The following GAS6 variants were observed in gnomAD, a reference collection of about 807,000 sequenced individuals.
The protein encoded by GAS6 is growth arrest specific 6, also known as growth arrest-specific protein 6.
A neutral mutation model predicts 75.8 loss-of-function variants in GAS6; 41 were observed. The ratio of observed to expected loss-of-function variants is 0.54; its 90% confidence interval spans 0.42 to 0.70. The LOEUF (loss-of-function observed/expected upper bound fraction) is 0.70. GAS6 is among the 30% of genes least tolerant of loss of function. The probability of loss-of-function intolerance (pLI) is 0.00; values close to 1 mark genes in which losing one functional copy is unlikely to be tolerated. For synonymous variants in GAS6, 432 were observed against 412.6 expected, an observed-to-expected ratio of 1.05 and a Z score of -0.57; for missense variants, 854 against 940.2, an observed-to-expected ratio of 0.91 and a Z score of 1.20.
At chr13:113,835,462 G>A in intron 7 of GAS6, 51 bp downstream of exon 7, 1 of 1,598,758 alleles carries the variant, frequency 6.3e-7, no homozygotes, top group Non-Finnish European at 8.5e-7. Flanking sequence ...TGGCACCCGT[G>A]TCTAGACTTG....
At chr13:113,829,469 G>A (rs894628732) in intron 10 of GAS6, among the ~76,000 whole-genome samples, 10 of 146,650 alleles carry the variant, frequency 6.8e-5, no homozygotes, top group Non-Finnish European at 1.5e-4. Context: ...ATCTCAGGGA[G>A]ACCACATGAT....
chr13:113,830,327 G>A (rs1459593538), intron 10 of GAS6, among the ~76,000 whole-genome samples: 6 of 152,072 alleles, frequency 3.9e-5, no homozygotes, highest in Admixed American at 3.9e-4. Flanking sequence ...TGCGGCCGCT[G>A]TGAGTCACTG....
At chr13:113,859,532 A>C (rs1037796164) in intron 2 of GAS6, among the ~76,000 whole-genome samples, 26 of 150,480 alleles carry the variant, frequency 1.7e-4, no homozygotes, top group Non-Finnish European at 3.4e-4. Flanking sequence ...ATGTGTGTGC[A>C]TGTCTGTCAG....
chr13:113,820,706 G>GC lies in GAS6; in HGVS notation c.*157dup. ...CACGGCTGAGTGCGCGGCGTCAGAGGCCCCAAGTCCATCTCACTATTTACA... is the reference window on the plus strand; with the variant it reads ...CACGGCTGAGTGCGCGGCGTCAGAGGCCCCCAAGTCCATCTCACTATTTACA... On this transcript the variant is annotated 3_prime_UTR_variant, in exon 15 of 15. Coordinates refer to ENST00000327773, the MANE Select transcript of GAS6 (RefSeq NM_000820.4). 1.1e-6 allele frequency: 1 copy of GC among 875,800 alleles called. No homozygotes were observed. The highest frequency in any genetic ancestry group is 1.7e-6 in the Non-Finnish European group (1 of 591,932). The allele number at this position is 875,800 out of a possible 1,614,324, so 54.3% of individuals were successfully genotyped here. A position where few individuals can be genotyped will look rare whatever the true frequency, so the allele number is the denominator to read the frequency against.
At chr13:113,835,712 T>C in intron 6 of GAS6, 77 bp from the exon 7 acceptor site, 1 of 1,558,528 alleles carries the variant, frequency 6.4e-7, no homozygotes, top group Non-Finnish European at 8.7e-7. Context: ...CTGCAGGGAC[T>C]GGCCAGGGCA....
rs1481445452 is a variant in GAS6, at chr13:113,845,604, ATT to A, written c.343+921_343+922del. The A allele has an allele frequency of 1.4e-5, 2 of 141,790 alleles. No individual in the cohort carries two copies. 8.8% of individuals were successfully genotyped at this position (141,790 alleles called of 1,614,324 possible). On this transcript the variant is annotated intron_variant, in intron 4 of 14. Transcript: ENST00000327773. This position sits in a 1 kb window ranked among gnomAD's most constrained non-coding sequence, Gnocchi z 4.3. The stretch of plus-strand genomic sequence containing the variant: ...AAAAGACTTGTGGCAAGCTGAAAAA[ATT>A]TTTGATAACTTTACTACCAATGGCT...
chr13:113,835,641 A>G lies in GAS6; in HGVS notation c.590-6T>C. The G allele has an allele frequency of 5.0e-6, 8 of 1,609,744 alleles. No homozygotes were observed. Among genetic ancestry groups the G allele is most frequent in the Non-Finnish European group, 6.8e-6 (8 of 1,178,762 alleles). On this transcript the variant is annotated splice_polypyrimidine_tract_variant and splice_region_variant and intron_variant, in intron 6 of 14. Coordinates refer to ENST00000327773, the MANE Select transcript of GAS6 (RefSeq NM_000820.4). ...GTCTGCGCACTCGTCTATGTCTGCAAGCAAAAAAAAACCGGCCAACCGCAG... is the reference window on the plus strand; with the variant it reads ...GTCTGCGCACTCGTCTATGTCTGCAGGCAAAAAAAAACCGGCCAACCGCAG...
rs763621452 is a variant in GAS6 at position 113,827,157 on chromosome 13, G to C, written c.1316C>G (p.Pro439Arg). ...GCTCCTCATGCAGCCATCCAGACGA[G>C]GGTTTATCTGGAAAGGCAGAGAAAT... Reference protein sequence around the residue: ...HEKDLVQPINPRLDGCMRSWN... With the variant: ...HEKDLVQPINRRLDGCMRSWN... The change falls in exon 12 of 15, where the codon CCT (proline) becomes CGT (arginine). Residue 439 changes from proline to arginine, a missense_variant. Pro to Arg is a moderately radical substitution (Grantham distance 103, BLOSUM62 -2). Coordinates refer to ENST00000327773, the MANE Select transcript of GAS6 (RefSeq NM_000820.4). 6.2e-7 allele frequency: 1 copy of C among 1,611,394 alleles called. No homozygotes were observed. Among genetic ancestry groups the C allele is most frequent in the South Asian group, 1.1e-5 (1 of 90,930 alleles).
intron 2 of GAS6, among the ~76,000 whole-genome samples, chr13:113,851,463 G>C (rs1016890519): frequency 6.6e-6 from 1 of 151,580 alleles, no homozygotes; most frequent in African/African-American, 2.4e-5. Context: ...GGGTGAATGA[G>C]AGTGAGTAGA....
At chr13:113,854,648 C>A (rs1033946995) in intron 2 of GAS6, among the ~76,000 whole-genome samples, 1 of 152,272 alleles carries the variant, frequency 6.6e-6, no homozygotes, top group Non-Finnish European at 1.5e-5. Flanking sequence ...AGGCTCTCAT[C>A]GAGGAAGGCC....
intron 14 of GAS6, 104 bp downstream of exon 14, chr13:113,821,854 A>T: frequency 4.5e-6 from 4 of 890,644 alleles, no homozygotes; most frequent in Non-Finnish European, 4.9e-6. Flanking sequence ...CCTCTTCCGC[A>T]TTCACTACCA....
intron 2 of GAS6, among the ~76,000 whole-genome samples, chr13:113,862,196 G>T (rs929779094): frequency 5.9e-5 from 9 of 152,260 alleles, no homozygotes; most frequent in African/African-American, 2.2e-4. Context: ...GGGCCCTGCA[G>T]GTCCTGGAGG....
At chr13:113,822,515 G>T in intron 13 of GAS6, 1 of 246,902 alleles carries the variant, frequency 4.1e-6, no homozygotes, top group Non-Finnish European at 7.8e-6. Flanking sequence ...CCAGGAACTG[G>T]GGTGGCCCTG....
Position 113,834,727 on chromosome 13 carries a change from C to CGT in GAS6, c.713-57_713-56dup, listed in dbSNP as rs2051679841. 4 of 1,380,070 alleles carry CGT rather than the reference C, an allele frequency of 2.9e-6. No homozygotes were observed. The East Asian group carries it at 7.9e-5, about 27-fold the overall frequency. 85.5% of individuals were successfully genotyped at this position (1,380,070 alleles called of 1,614,324 possible). A position where few individuals can be genotyped will look rare whatever the true frequency, so the allele number is the denominator to read the frequency against. ...CGGGGAGGCCTCTACGCTGTCCCGC[C>CGT]GTGGGATCACACCGCGATTGCTCAA... On this transcript the variant is annotated intron_variant, in intron 7 of 14. Coordinates refer to ENST00000327773, the MANE Select transcript of GAS6 (RefSeq NM_000820.4).
chr13:113,834,671 A>T lies in GAS6; in HGVS notation c.714T>A (p.Asp238Glu). ...AGCGGCCCTGCAGACACTCGTCCAC[A>T]TCTGCCAGCCAGAGGGAAGCGGCGG... ...AYSSQEKACR[D>E]VDECLQGRCE... Residue 238 changes from aspartate to glutamate, a missense_variant and splice_region_variant, in exon 8 of 15, where the codon GAT (aspartate) becomes GAA (glutamate). Asp to Glu is a conservative substitution (Grantham distance 45). Coordinates refer to ENST00000327773, the MANE Select transcript of GAS6 (RefSeq NM_000820.4). The T allele has an allele frequency of 1.2e-5, 18 of 1,563,294 alleles. No homozygotes were observed. Among genetic ancestry groups the T allele is most frequent in the Non-Finnish European group, 1.5e-5 (17 of 1,152,078 alleles).
intron 2 of GAS6, among the ~76,000 whole-genome samples, chr13:113,851,764 T>C (rs542834951): frequency 1.3e-5 from 2 of 152,374 alleles, no homozygotes; most frequent in South Asian, 2.1e-4. Context: ...ACTTAAATCA[T>C]AGATAAGTAC....
At chr13:113,849,421 T>C (rs931275912) in intron 2 of GAS6, among the ~76,000 whole-genome samples, 1 of 152,146 alleles carries the variant, frequency 6.6e-6, no homozygotes, top group Non-Finnish European at 1.5e-5. Flanking sequence ...CAACACGAAG[T>C]GGCACCAGGT....
chr13:113,837,997 G>A lies in GAS6; in HGVS notation c.589+72C>T, dbSNP rs1456199305. The A allele has an allele frequency of 4.4e-6, 7 of 1,575,278 alleles. No homozygotes were observed. In the African/African-American group the frequency reaches 6.7e-5, roughly 15 times the overall value. On this transcript the variant is annotated intron_variant, in intron 6 of 14. Coordinates refer to ENST00000327773, the MANE Select transcript of GAS6 (RefSeq NM_000820.4). The surrounding 1 kb of genome is among the most constrained non-coding windows in gnomAD (Gnocchi z 5.1). ...ACCCAGCCAGCAGCAGCCGCTTGCA[G>A]AAGAGCAGACATGACCGAAAATAGA...
intron 5 of GAS6, 37 bp from the exon 6 acceptor site, chr13:113,838,228 G>T: frequency 6.2e-7 from 1 of 1,609,902 alleles, no homozygotes; most frequent in African/African-American, 1.3e-5. Flanking sequence ...GAGCCCAAGG[G>T]TGCACAGCCC....
Sources: allele counts gnomAD v4.1 joint callset (sites outside exome capture counted in the v4.1 genomes callset), GRCh38; gene constraint gnomAD v4.1.1; non-coding constraint Gnocchi (gnomAD v3.1); transcripts MANE v1.5; gene names NCBI Gene and HGNC (gene_info 2026-07-23, HGNC 2026-07-21).